Variants in ZFTRAF1 observed in about 807,000 individuals in gnomAD.
The protein encoded by ZFTRAF1 is zinc finger TRAF-type and ring finger containing 1, also known as zinc finger TRAF-type-containing protein 1.
chr8:144,460,395 C>CA, the ZFTRAF1 span, among the ~76,000 whole-genome samples: 3 of 152,258 alleles, frequency 2.0e-5, no homozygotes, highest in South Asian at 2.1e-4. Flanking sequence ...CGGTCAGAAG[C>CA]AGAGCCATCA....
chr8:144,459,199 A>G, the ZFTRAF1 span, among the ~76,000 whole-genome samples: 2 of 152,240 alleles, frequency 1.3e-5, no homozygotes, highest in African/African-American at 4.8e-5. Flanking sequence ...AGGTGCCAAC[A>G]GGCCACACTG....
the ZFTRAF1 span, among the ~76,000 whole-genome samples, chr8:144,460,117 C>T: frequency 1.6e-4 from 25 of 152,290 alleles, no homozygotes; most frequent in South Asian, 4.1e-4. Context: ...CACTCACAGC[C>T]GAGAGCCACC....
At chr8:144,452,583 G>A in the ZFTRAF1 span, 4 of 1,534,270 alleles carry the variant, frequency 2.6e-6, no homozygotes, top group Admixed American at 5.9e-5. Context: ...GGGGGAGGCA[G>A]GTACATCACT....
At chr8:144,462,697 C>T in the ZFTRAF1 span, 1 of 145,112 alleles carries the variant, frequency 6.9e-6, no homozygotes, top group Non-Finnish European at 1.5e-5. Flanking sequence ...CGCGCTCCCC[C>T]GACTAGAAGT....
the ZFTRAF1 span, among the ~76,000 whole-genome samples, chr8:144,461,508 T>A: frequency 6.6e-6 from 1 of 151,944 alleles, no homozygotes; most frequent in African/African-American, 2.4e-5. Flanking sequence ...GCCATGCGGA[T>A]GTGAAGATGG....
chr8:144,450,685 C>T, the ZFTRAF1 span: 6 of 717,694 alleles, frequency 8.4e-6, no homozygotes, highest in African/African-American at 1.7e-5. Context: ...TCAGGACCCA[C>T]GTCTGGTTCA....
chr8:144,458,388 C>T, the ZFTRAF1 span, among the ~76,000 whole-genome samples: 4 of 152,228 alleles, frequency 2.6e-5, no homozygotes, highest in Non-Finnish European at 4.4e-5. Flanking sequence ...GTTTTAGATA[C>T]CTAAGCAGAC....
chr8:144,452,712 G>A, the ZFTRAF1 span: 2 of 747,382 alleles, frequency 2.7e-6, no homozygotes, highest in Non-Finnish European at 4.3e-6. Flanking sequence ...CCAGGATGAG[G>A]TCAGAGTGGC....
At chr8:144,462,291 C>G in the ZFTRAF1 span, 1 of 593,038 alleles carries the variant, frequency 1.7e-6, no homozygotes, top group Non-Finnish European at 3.0e-6. Flanking sequence ...ACCTGGTACA[C>G]GGAGGCCTTG....
At chr8:144,453,928 A>G in the ZFTRAF1 span, 745 of 165,560 alleles carry the variant, frequency 4.5e-3, 4 homozygotes, top group African/African-American at 0.017. Context: ...AAGGCCATTT[A>G]TCCTGGGTTG....
At chr8:144,459,888 C>T in the ZFTRAF1 span, among the ~76,000 whole-genome samples, 3 of 152,236 alleles carry the variant, frequency 2.0e-5, no homozygotes, top group African/African-American at 7.2e-5. Flanking sequence ...GCATTCCTGA[C>T]ACTGGCTGGC....
At chr8:144,458,799 G>A in the ZFTRAF1 span, among the ~76,000 whole-genome samples, 1 of 152,212 alleles carries the variant, frequency 6.6e-6, no homozygotes, top group African/African-American at 2.4e-5. Flanking sequence ...CCAAGAGGTG[G>A]GCAGGGGCAG....
chr8:144,454,596 G>C, the ZFTRAF1 span: 1 of 152,478 alleles, frequency 6.6e-6, no homozygotes, highest in Non-Finnish European at 1.5e-5. Flanking sequence ...AAAGCCACTG[G>C]GCTACAGGCT....
At chr8:144,453,839 G>A in the ZFTRAF1 span, 2 of 208,496 alleles carry the variant, frequency 9.6e-6, no homozygotes, top group African/African-American at 4.5e-5. Flanking sequence ...CAGGAACACT[G>A]GGCTCTTGGC....
the ZFTRAF1 span, chr8:144,451,018 T>C: frequency 2.0e-6 from 1 of 505,040 alleles, no homozygotes; most frequent in East Asian, 3.1e-5. Context: ...AGGCTGCACG[T>C]GTCAGGCCAC....
the ZFTRAF1 span, chr8:144,456,106 G>A: frequency 6.6e-6 from 1 of 152,344 alleles, no homozygotes; most frequent in East Asian, 1.9e-4. Context: ...CTCCATTCAA[G>A]TCAGAACACA....
the ZFTRAF1 span, chr8:144,452,426 G>A: frequency 6.5e-7 from 1 of 1,550,092 alleles, no homozygotes; most frequent in Non-Finnish European, 8.7e-7. Context: ...TCTCCTTGCG[G>A]TGGCTCTGGT....
the ZFTRAF1 span, chr8:144,455,911 C>T: frequency 6.5e-6 from 1 of 152,792 alleles, no homozygotes; most frequent in East Asian, 1.9e-4. Flanking sequence ...CACCCCAGCT[C>T]CTGGGCCGGC....
chr8:144,453,796 A>AC, the ZFTRAF1 span: 5 of 263,142 alleles, frequency 1.9e-5, no homozygotes, highest in Admixed American at 1.4e-4. Context: ...GACTGCCCTG[A>AC]CCCCCCTACA....
Sources: allele counts gnomAD v4.1 joint callset (sites outside exome capture counted in the v4.1 genomes callset), GRCh38; gene constraint gnomAD v4.1.1; transcripts MANE v1.5; gene names NCBI Gene and HGNC (gene_info 2026-07-23, HGNC 2026-07-21).